Variants in RALYL observed in about 807,000 individuals in gnomAD.
RALYL encodes RNA-binding Raly-like protein.
A neutral mutation model predicts 35.1 loss-of-function variants in RALYL; 29 were observed. That is an observed-to-expected ratio of 0.83 (90% confidence interval 0.61 to 1.13). The LOEUF is 1.13. Among genes scored for constraint, RALYL ranks in the 50% most tolerant of loss-of-function variants. RALYL has a pLI of 0.00. For missense variants in RALYL, 359 were observed against 360.4 expected (o/e 1.00, Z 0.03); for synonymous variants, 120 against 127.6 (o/e 0.94, Z 0.40).
intron 1 of RALYL, among the ~76,000 whole-genome samples, chr8:84,253,182 T>G (rs1035288751): frequency 8.8e-6 from 1 of 113,944 alleles, no homozygotes; most frequent in East Asian, 2.4e-4. Flanking sequence ...TGCAGTTTTT[T>G]TTTTTTTTTT....
intron 2 of RALYL, among the ~76,000 whole-genome samples, chr8:84,645,391 TTTTCTG>T (rs971370959): frequency 2.0e-5 from 3 of 151,900 alleles, no homozygotes; most frequent in African/African-American, 7.2e-5. Context: ...TAATCTTAAT[TTTTCTG>T]TTTCTGTTTT....
chr8:84,816,439 A>C (rs1291819138), intron 4 of RALYL, among the ~76,000 whole-genome samples: 1 of 152,180 alleles, frequency 6.6e-6, no homozygotes, highest in African/African-American at 2.4e-5. Flanking sequence ...CCAATTTTTC[A>C]TTTGATGAAT....
intron 7 of RALYL, among the ~76,000 whole-genome samples, chr8:84,877,556 T>C (rs528381768): frequency 6.6e-6 from 1 of 152,206 alleles, no homozygotes; most frequent in East Asian, 1.9e-4. Flanking sequence ...GGAGCTATAG[T>C]ATTCTCACCC....
intron 1 of RALYL, among the ~76,000 whole-genome samples, chr8:84,282,747 C>T (rs960739322): frequency 1.3e-5 from 2 of 148,684 alleles, no homozygotes; most frequent in Admixed American, 6.7e-5. Flanking sequence ...TATGTGTATG[C>T]GTGTGTGTGT....
chr8:84,594,113 C>T (rs1349078123), intron 2 of RALYL, among the ~76,000 whole-genome samples: 1 of 151,972 alleles, frequency 6.6e-6, no homozygotes. Flanking sequence ...CTACCTAAAT[C>T]CTCATTCAGT....
Position 84,240,756 on chromosome 8 carries a change from C to T in RALYL, c.-24+56332C>T, listed in dbSNP as rs548710269. ...GTTGTAGACTTTTGATTTTAACAGA[C>T]AGGAATAGAAAAGATGTGATAAAAA... On this transcript the variant is annotated intron_variant, in intron 1 of 8. Transcript: ENST00000521268. 2.6e-5 allele frequency among the ~76,000 whole-genome samples: 4 copies of T among 152,168 alleles called. No homozygotes were observed. In the South Asian group the frequency reaches 8.3e-4, roughly 32 times the overall value.
At chr8:84,883,369 A>G (rs1318163084) in intron 7 of RALYL, among the ~76,000 whole-genome samples, 1 of 152,094 alleles carries the variant, frequency 6.6e-6, no homozygotes, top group Non-Finnish European at 1.5e-5. Context: ...CTGCTAATAA[A>G]GACATACCCA....
At chr8:84,781,567 G>C (rs544488449) in intron 3 of RALYL, among the ~76,000 whole-genome samples, 38 of 152,314 alleles carry the variant, frequency 2.5e-4, no homozygotes, top group African/African-American at 9.1e-4. Flanking sequence ...TATGTTGCTA[G>C]TCTTCAGGTT....
intron 1 of RALYL, among the ~76,000 whole-genome samples, chr8:84,196,621 G>T (rs1815347556): frequency 6.6e-6 from 1 of 152,132 alleles, no homozygotes; most frequent in Non-Finnish European, 1.5e-5. Flanking sequence ...GGAGCTCACA[G>T]GCCAGTGGCT....
chr8:84,914,516 T>A (rs981406864), intron 8 of RALYL, among the ~76,000 whole-genome samples: 1 of 151,948 alleles, frequency 6.6e-6, no homozygotes, highest in East Asian at 1.9e-4. Flanking sequence ...ACAATTGGAA[T>A]AAAATAAGAG....
intron 1 of RALYL, among the ~76,000 whole-genome samples, chr8:84,309,284 T>G (rs1842341429): frequency 6.6e-6 from 1 of 151,518 alleles, no homozygotes; most frequent in African/African-American, 2.4e-5. Context: ...ATTTTTCATA[T>G]CAATGGAAAA....
At chr8:84,290,280 C>G (rs1200770948) in intron 1 of RALYL, among the ~76,000 whole-genome samples, 2 of 152,120 alleles carry the variant, frequency 1.3e-5, no homozygotes, top group Admixed American at 1.3e-4. Context: ...GGTTGTGGCA[C>G]TTTGATAGTC....
chr8:84,754,817 A>G (rs1222707028), intron 2 of RALYL, among the ~76,000 whole-genome samples: 1 of 152,174 alleles, frequency 6.6e-6, no homozygotes, highest in Admixed American at 6.6e-5. Flanking sequence ...AGATGGCAAT[A>G]AGAAGAAGAA....
At chr8:84,207,006 G>T (rs1475314899) in intron 1 of RALYL, among the ~76,000 whole-genome samples, 1 of 152,008 alleles carries the variant, frequency 6.6e-6, no homozygotes, top group Non-Finnish European at 1.5e-5. Context: ...ATAGCAAAAA[G>T]ACCAAAAAGA....
At chr8:84,764,222 C>T (rs565104685) in intron 2 of RALYL, among the ~76,000 whole-genome samples, 1 of 152,174 alleles carries the variant, frequency 6.6e-6, no homozygotes, top group African/African-American at 2.4e-5. Flanking sequence ...TATTATGATG[C>T]CTGTTACATT....
intron 1 of RALYL, among the ~76,000 whole-genome samples, chr8:84,203,246 G>T (rs896029225): frequency 1.3e-5 from 2 of 151,740 alleles, no homozygotes; most frequent in Non-Finnish European, 2.9e-5. Context: ...TTGTTGAAAA[G>T]AACCATTTGG....
At chr8:84,870,598 T>C (rs28520464) in intron 6 of RALYL, among the ~76,000 whole-genome samples, 69,224 of 151,128 alleles carry the variant, frequency 0.46, 18,825 homozygotes, top group African/African-American at 0.75. Context: ...TATATATATA[T>C]ATGCTCAACT....
intron 5 of RALYL, among the ~76,000 whole-genome samples, chr8:84,852,004 G>T (rs1835953145): frequency 6.6e-6 from 1 of 152,114 alleles, no homozygotes; most frequent in African/African-American, 2.4e-5. Context: ...ACACATAGTG[G>T]ATACTCTGTA....
chr8:84,759,338 A>C (rs1812151190), intron 2 of RALYL, among the ~76,000 whole-genome samples: 1 of 152,204 alleles, frequency 6.6e-6, no homozygotes. Context: ...AAACCTCTAC[A>C]GTAATAATGT....
Sources: gnomAD v4.1 joint callset for allele counts (sites outside exome capture counted in the v4.1 genomes callset) on GRCh38, gnomAD v4.1.1 for gene constraint, MANE v1.5 for transcripts, NCBI Gene and HGNC (gene_info 2026-07-23, HGNC 2026-07-21) for gene names.